The following ASIC2 variants were observed in gnomAD, a reference collection of about 807,000 sequenced individuals.
ASIC2 encodes the protein acid sensing ion channel subunit 2.
Under a neutral mutation model 57.3 loss-of-function variants are expected in ASIC2, and 25 were observed. The ratio of observed to expected loss-of-function variants is 0.44; its 90% confidence interval spans 0.32 to 0.61. ASIC2 has a LOEUF of 0.61. ASIC2 is among the 20% of genes least tolerant of loss of function. ASIC2 has a pLI of 0.06. For missense variants in ASIC2, 641 were observed against 738.1 expected (o/e 0.87, Z 1.52); for synonymous variants, 319 against 307.5 (o/e 1.04, Z -0.39).
intron 2 of ASIC2, among the ~76,000 whole-genome samples, chr17:33,106,296 A>G (rs1270438793): frequency 6.6e-6 from 1 of 152,176 alleles, no homozygotes; most frequent in African/African-American, 2.4e-5. Flanking sequence ...TTAAAAAATC[A>G]TTCCTTTGCT....
At chr17:33,961,852 C>T (rs753658320) in intron 1 of ASIC2, among the ~76,000 whole-genome samples, 5 of 152,274 alleles carry the variant, frequency 3.3e-5, no homozygotes, top group Non-Finnish European at 7.4e-5. Flanking sequence ...GCTTTCCAAC[C>T]TCCATCTCCA....
intron 1 of ASIC2, among the ~76,000 whole-genome samples, chr17:33,911,104 T>C (rs1213777130): frequency 6.6e-6 from 1 of 152,208 alleles, no homozygotes; most frequent in East Asian, 1.9e-4. Context: ...TATTCCCACA[T>C]GGGGCTGAGT....
intron 6 of ASIC2, among the ~76,000 whole-genome samples, chr17:33,021,832 C>A (rs776612085): frequency 6.6e-6 from 1 of 152,222 alleles, no homozygotes; most frequent in African/African-American, 2.4e-5. Flanking sequence ...TTGTAGGGAG[C>A]AAACTTACAT....
At chr17:33,828,242 T>C (rs1348319466) in intron 1 of ASIC2, 1 of 152,222 alleles carries the variant, frequency 6.6e-6, no homozygotes, top group Non-Finnish European at 1.5e-5. Flanking sequence ...GCTTTTTAAA[T>C]CTGAGGGTAT....
chr17:33,819,613 A>G (rs1912688932), intron 1 of ASIC2, among the ~76,000 whole-genome samples: 1 of 152,212 alleles, frequency 6.6e-6, no homozygotes, highest in Non-Finnish European at 1.5e-5. Flanking sequence ...ATCAGGGATC[A>G]TTGCAGTTTG....
At chr17:33,568,482 C>T (rs1034298901) in intron 1 of ASIC2, among the ~76,000 whole-genome samples, 2 of 152,114 alleles carry the variant, frequency 1.3e-5, no homozygotes, top group African/African-American at 4.8e-5. Flanking sequence ...AAGACTGTTC[C>T]CTCTGCCTGG....
intron 1 of ASIC2, among the ~76,000 whole-genome samples, chr17:34,030,645 TCACTCCCACCCTAATACTGC>T (rs1157770978): frequency 6.6e-6 from 1 of 152,154 alleles, no homozygotes; most frequent in Non-Finnish European, 1.5e-5. Flanking sequence ...GAAAATCGGG[TCACTCCCACCCTAATACTGC>T]GCTTTTCCAA....
intron 1 of ASIC2, among the ~76,000 whole-genome samples, chr17:33,545,763 T>A (rs1915557644): frequency 6.6e-6 from 1 of 152,200 alleles, no homozygotes; most frequent in Admixed American, 6.5e-5. Context: ...AAACATGTAA[T>A]TCTTCTTCCT....
At chr17:33,834,987 T>C (rs1277282116) in intron 1 of ASIC2, among the ~76,000 whole-genome samples, 1 of 152,144 alleles carries the variant, frequency 6.6e-6, no homozygotes, top group Non-Finnish European at 1.5e-5. Flanking sequence ...TGCTCATTCA[T>C]ATTTTCAATA....
intron 1 of ASIC2, among the ~76,000 whole-genome samples, chr17:33,249,518 C>G (rs902332042): frequency 1.3e-5 from 2 of 152,144 alleles, no homozygotes; most frequent in African/African-American, 4.8e-5. Context: ...GAAGAGGAGT[C>G]TCCGCAGGAG....
At chr17:33,290,932 C>T (rs1905397529) in intron 1 of ASIC2, 1 of 154,294 alleles carries the variant, frequency 6.5e-6, no homozygotes, top group Admixed American at 6.6e-5. Flanking sequence ...CTGCGTGATT[C>T]CCCTGATGAT....
At chr17:33,951,944 G>T (rs1216972227) in intron 1 of ASIC2, among the ~76,000 whole-genome samples, 2 of 151,962 alleles carry the variant, frequency 1.3e-5, no homozygotes, top group African/African-American at 4.8e-5. Flanking sequence ...TATCACCCTT[G>T]ATACATTTCA....
chr17:33,327,609 G>A (rs1301167188), intron 1 of ASIC2, among the ~76,000 whole-genome samples: 2 of 152,162 alleles, frequency 1.3e-5, no homozygotes, highest in African/African-American at 4.8e-5. Flanking sequence ...AGAAGACATG[G>A]TGTGTAAATG....
chr17:33,513,579 C>T (rs1695138737), intron 1 of ASIC2, among the ~76,000 whole-genome samples: 3 of 152,242 alleles, frequency 2.0e-5, no homozygotes, highest in Admixed American at 2.0e-4. Flanking sequence ...TTAAAGCCAA[C>T]TTCCCAACTT....
At chr17:33,782,574 A>G (rs958928703) in intron 1 of ASIC2, among the ~76,000 whole-genome samples, 1 of 152,108 alleles carries the variant, frequency 6.6e-6, no homozygotes, top group African/African-American at 2.4e-5. Context: ...TAAAAAACAC[A>G]AAAAATTAGC....
chr17:33,136,129 G>T (rs985806823), intron 1 of ASIC2, among the ~76,000 whole-genome samples: 1 of 152,212 alleles, frequency 6.6e-6, no homozygotes, highest in Middle Eastern at 3.2e-3. Flanking sequence ...CCGTGTGCAC[G>T]TGTGTTTGCA....
intron 1 of ASIC2, among the ~76,000 whole-genome samples, chr17:34,082,903 T>A (rs911976978): frequency 1.4e-4 from 21 of 152,234 alleles, no homozygotes; most frequent in African/African-American, 5.1e-4. Flanking sequence ...TCTTGTCTCC[T>A]ACAATGGGAA....
chr17:34,098,527 G>A (rs1351505922), intron 1 of ASIC2, among the ~76,000 whole-genome samples: 2 of 152,074 alleles, frequency 1.3e-5, no homozygotes, highest in East Asian at 3.9e-4. Flanking sequence ...CTCAGGGAAG[G>A]GCCCTGGGAG....
intron 1 of ASIC2, among the ~76,000 whole-genome samples, chr17:33,836,375 T>C (rs72816927): frequency 0.16 from 24,645 of 151,806 alleles, 2,512 homozygotes; most frequent in South Asian, 0.25. Flanking sequence ...AGAGATGGGA[T>C]TTCACCATGT....
Sources: allele counts gnomAD v4.1 joint callset (sites outside exome capture counted in the v4.1 genomes callset), GRCh38; gene constraint gnomAD v4.1.1; transcripts MANE v1.5; gene names NCBI Gene and HGNC (gene_info 2026-07-23, HGNC 2026-07-21).